Variants in GPR176 observed in about 807,000 individuals in gnomAD.
The protein encoded by GPR176 is G protein-coupled receptor 176.
In GPR176, 26 loss-of-function variants were observed where a neutral mutation model predicts 35.4. The observed-to-expected ratio is 0.74, with a 90% CI of 0.54 to 1.02. GPR176 has a LOEUF of 1.02. GPR176 is among the 50% of genes least tolerant of loss of function. GPR176 has a pLI of 0.00. For synonymous variants in GPR176, 278 were observed against 271.3 expected, an observed-to-expected ratio of 1.02 and a Z score of -0.24; for missense variants, 597 against 665.3, an observed-to-expected ratio of 0.90 and a Z score of 1.13.
At chr15:39,807,306 A>G (rs1899259044) in intron 1 of GPR176, 48 bp from the exon 2 acceptor site, 1 of 1,276,644 alleles carries the variant, frequency 7.8e-7, no homozygotes, top group African/African-American at 1.5e-5. Flanking sequence ...AAAATTTAAG[A>G]ACTAAAAAAA....
At chr15:39,885,086 C>T (rs899695464) in intron 1 of GPR176, among the ~76,000 whole-genome samples, 1 of 152,136 alleles carries the variant, frequency 6.6e-6, no homozygotes, top group Non-Finnish European at 1.5e-5. Flanking sequence ...AGTTCCCGAT[C>T]GTTTGCCATC....
At chr15:39,863,059 CTT>C (rs1228810772) in intron 1 of GPR176, among the ~76,000 whole-genome samples, 1 of 141,622 alleles carries the variant, frequency 7.1e-6, no homozygotes, top group Non-Finnish European at 1.6e-5. Flanking sequence ...CTTAGTTTTT[CTT>C]TTTTTTTTTT....
chr15:39,840,468 A>G, intron 1 of GPR176, among the ~76,000 whole-genome samples: 1 of 152,046 alleles, frequency 6.6e-6, no homozygotes, highest in East Asian at 1.9e-4. Flanking sequence ...AACATCACAC[A>G]CCAGAGCCTG....
At chr15:39,889,398 A>G (rs184163721) in intron 1 of GPR176, among the ~76,000 whole-genome samples, 39 of 151,936 alleles carry the variant, frequency 2.6e-4, no homozygotes, top group African/African-American at 7.7e-4. Flanking sequence ...AAATATAAAA[A>G]TAGCCAGGCA....
At chr15:39,837,552 T>C (rs1901478900) in intron 1 of GPR176, among the ~76,000 whole-genome samples, 1 of 152,178 alleles carries the variant, frequency 6.6e-6, no homozygotes, top group Admixed American at 6.6e-5. Flanking sequence ...TTTAATCTTC[T>C]GTTTCTCCAT....
chr15:39,843,235 C>G (rs41418150), intron 1 of GPR176, among the ~76,000 whole-genome samples: 43,641 of 151,784 alleles, frequency 0.29, 7,130 homozygotes, highest in Non-Finnish European at 0.38. Context: ...CCATGCAAGT[C>G]CTAGAAATAC....
rs565903208 is a variant in GPR176 at position 39,913,164 on chromosome 15, C to T, written c.172+6691G>A. ...AATATATGCTAAAACATGGATGAAT[C>T]CTGAAAATATTATGCTAAGTGAAAA... On this transcript the variant is annotated intron_variant, in intron 1 of 2. Transcript: ENST00000561100. Among the ~76,000 whole-genome samples, 5 of 152,240 alleles carry T rather than the reference C, an allele frequency of 3.3e-5. No individual in the cohort carries two copies. The East Asian group carries it at 9.6e-4, about 29-fold the overall frequency.
intron 1 of GPR176, among the ~76,000 whole-genome samples, chr15:39,811,393 T>C (rs1237472606): frequency 6.6e-6 from 1 of 152,168 alleles, no homozygotes; most frequent in East Asian, 1.9e-4. Flanking sequence ...CTGCCAGTTG[T>C]TTCCTATTGA....
chr15:39,916,676 G>A (rs985497544), intron 1 of GPR176, among the ~76,000 whole-genome samples: 4 of 152,130 alleles, frequency 2.6e-5, no homozygotes, highest in East Asian at 1.9e-4. Context: ...AAAGAAAAAC[G>A]AATTTGTCTA....
At chr15:39,876,548 TG>T (rs1275844560) in intron 1 of GPR176, among the ~76,000 whole-genome samples, 1 of 152,182 alleles carries the variant, frequency 6.6e-6, no homozygotes, top group Non-Finnish European at 1.5e-5. Flanking sequence ...TTTATGTTAA[TG>T]TTTATAATTT....
chr15:39,808,993 C>A (rs74008889), intron 1 of GPR176, among the ~76,000 whole-genome samples: 3,599 of 152,236 alleles, frequency 0.024, 156 homozygotes, highest in African/African-American at 0.08. Context: ...TAGACAGAGT[C>A]CACAGCCCCA....
chr15:39,894,816 G>T (rs1013215832), intron 1 of GPR176, among the ~76,000 whole-genome samples: 1 of 152,096 alleles, frequency 6.6e-6, no homozygotes, highest in Non-Finnish European at 1.5e-5. Flanking sequence ...CCCAGACGGG[G>T]TGGTGGCCGG....
In GPR176 at chr15:39,848,825, G is replaced by C. The variant is rs554168241; in HGVS notation, c.173-41567C>G. Among the ~76,000 whole-genome samples, 42 of 150,102 alleles carry C rather than the reference G, an allele frequency of 2.8e-4. 1 individual carries two copies. In the South Asian group the frequency reaches 7.1e-3, roughly 25 times the overall value. On this transcript the variant is annotated intron_variant, in intron 1 of 2. Coordinates refer to ENST00000561100, the MANE Select transcript of GPR176 (RefSeq NM_007223.3). ...TGGGACATAGCTAAAGCAGTGCTGA[G>C]AGAGAAATTTACACTACTAAAAGCT...
intron 1 of GPR176, chr15:39,815,454 G>A (rs1018762731): frequency 3.9e-5 from 6 of 152,224 alleles, no homozygotes; most frequent in African/African-American, 1.4e-4. Flanking sequence ...TCTTCTTCAG[G>A]CCTGTAGAGA....
At chr15:39,892,583 T>C (rs1392933917) in intron 1 of GPR176, among the ~76,000 whole-genome samples, 3 of 152,156 alleles carry the variant, frequency 2.0e-5, no homozygotes, top group African/African-American at 7.2e-5. Flanking sequence ...CAAGATGAGG[T>C]CGCATTGCAT....
chr15:39,847,586 T>C (rs2030525080), intron 1 of GPR176, among the ~76,000 whole-genome samples: 2 of 151,386 alleles, frequency 1.3e-5, no homozygotes, highest in African/African-American at 4.9e-5. Flanking sequence ...TCTACAAAAA[T>C]ACAAAAATTA....
intron 1 of GPR176, among the ~76,000 whole-genome samples, chr15:39,885,985 A>G (rs927390981): frequency 2.0e-5 from 3 of 152,156 alleles, no homozygotes; most frequent in Admixed American, 6.5e-5. Context: ...TGTAATCCCA[A>G]CATTTTGGGA....
At chr15:39,885,043 C>G (rs909942414) in intron 1 of GPR176, among the ~76,000 whole-genome samples, 1 of 152,174 alleles carries the variant, frequency 6.6e-6, no homozygotes, top group Non-Finnish European at 1.5e-5. Context: ...TGTCTACTAA[C>G]TTCAGTTTTT....
At chr15:39,910,514 C>T (rs773635243) in intron 1 of GPR176, among the ~76,000 whole-genome samples, 30 of 151,530 alleles carry the variant, frequency 2.0e-4, no homozygotes, top group African/African-American at 7.3e-5. Flanking sequence ...GCTGAGATCA[C>T]GCCACTCTAC....
Sources: allele counts gnomAD v4.1 joint callset (sites outside exome capture counted in the v4.1 genomes callset), GRCh38; gene constraint gnomAD v4.1.1; transcripts MANE v1.5; gene names NCBI Gene and HGNC (gene_info 2026-07-23, HGNC 2026-07-21).